Variants in XKR6 observed in about 807,000 individuals in gnomAD.
XKR6 encodes XK-related protein 6.
In XKR6, 22 loss-of-function variants were observed where a neutral mutation model predicts 56.7. The observed-to-expected ratio is 0.39, with a 90% CI of 0.28 to 0.55. The LOEUF (loss-of-function observed/expected upper bound fraction) is 0.55, where lower values mean the gene tolerates loss of function less well. Among genes scored for constraint, XKR6 ranks in the 20% least tolerant of loss-of-function variants. The pLI, the probability that XKR6 is intolerant of heterozygous loss-of-function variation, is 0.66. For synonymous variants in XKR6, 524 were observed against 387.8 expected (o/e 1.35, Z -4.13); for missense variants, 852 against 889.0 (o/e 0.96, Z 0.53).
At chr8:10,957,091 C>G (rs1029086845) in intron 1 of XKR6, among the ~76,000 whole-genome samples, 2 of 152,180 alleles carry the variant, frequency 1.3e-5, no homozygotes, top group African/African-American at 2.4e-5. Context: ...GCTGGGATTA[C>G]AGGCACGTGC....
chr8:11,000,984 C>G (rs1180070454), intron 1 of XKR6, among the ~76,000 whole-genome samples: 1 of 152,200 alleles, frequency 6.6e-6, no homozygotes, highest in Admixed American at 6.5e-5. Context: ...CCCCTGCCCC[C>G]TTCCTCTGAT....
intron 1 of XKR6, among the ~76,000 whole-genome samples, chr8:10,959,228 T>C (rs528823393): frequency 2.0e-5 from 3 of 152,160 alleles, no homozygotes; most frequent in Admixed American, 6.5e-5. Flanking sequence ...TGGTGAGGCC[T>C]GGCCTGGAGA....
intron 1 of XKR6, among the ~76,000 whole-genome samples, chr8:11,149,931 G>A (rs1431780355): frequency 2.6e-5 from 4 of 152,204 alleles, no homozygotes; most frequent in South Asian, 2.1e-4. Context: ...CGTTTGCAGC[G>A]TCATGGATGA....
intron 1 of XKR6, among the ~76,000 whole-genome samples, chr8:10,976,201 C>CA (rs1223994054): frequency 6.7e-6 from 1 of 150,150 alleles, no homozygotes; most frequent in Non-Finnish European, 1.5e-5. Flanking sequence ...TGCCCCCCCC[C>CA]AACCTCGCCA....
rs189520291 is a variant in XKR6 at position 11,061,837 on chromosome 8, C to T, written c.765-137007G>A. ...AGGAGGGCAGCCATCGGTGATGGGG[C>T]GAGGACATCACTGGAGGCTGTTAAA... On this transcript the variant is annotated intron_variant, in intron 1 of 2. Coordinates refer to ENST00000416569, the MANE Select transcript of XKR6 (RefSeq NM_173683.4). Among the ~76,000 whole-genome samples the T allele has an allele frequency of 2.6e-5, 4 of 152,214 alleles. No homozygotes were observed. In the South Asian group the frequency reaches 6.2e-4, roughly 24 times the overall value.
rs188440786 is a variant in XKR6 at position 11,150,164 on chromosome 8, T to C, written c.764+50412A>G. Among the ~76,000 whole-genome samples the C allele has an allele frequency of 2.0e-5, 3 of 152,310 alleles. No individual in the cohort carries two copies. In the East Asian group the frequency reaches 5.8e-4, roughly 29 times the overall value. On this transcript the variant is annotated intron_variant, in intron 1 of 2. Transcript: ENST00000416569. ...AGAAGGTGTAAGTTCCAATGTCTGA[T>C]AGCAGAGTGGAGGGACTATAGTTAA...
At chr8:11,018,489 A>G (rs1319261082) in intron 1 of XKR6, among the ~76,000 whole-genome samples, 1 of 152,174 alleles carries the variant, frequency 6.6e-6, no homozygotes, top group Admixed American at 6.5e-5. Flanking sequence ...ACTTCCCTCC[A>G]TAATATGGGG....
intron 1 of XKR6, among the ~76,000 whole-genome samples, chr8:10,945,881 C>T (rs1052731970): frequency 6.6e-6 from 1 of 152,132 alleles, no homozygotes; most frequent in Non-Finnish European, 1.5e-5. Context: ...CTCTGCTCCT[C>T]CCTTCCCTCT....
At chr8:11,091,336 G>A (rs1200440988) in intron 1 of XKR6, among the ~76,000 whole-genome samples, 1 of 152,088 alleles carries the variant, frequency 6.6e-6, no homozygotes, top group African/African-American at 2.4e-5. Flanking sequence ...TACTTGGAAG[G>A]CTGAGGTAGG....
rs190132914 is a variant in XKR6, at chr8:11,113,494, C to T, written c.764+87082G>A. Among the ~76,000 whole-genome samples, 896 of 152,294 alleles carry T rather than the reference C, an allele frequency of 5.9e-3. 7 individuals are homozygous for T. The highest frequency in any genetic ancestry group is 0.019 in the African/African-American group (771 of 41,552). ...AAAGCTAACTGATACAACTAACATT[C>T]TCCAAAGGCACATCATATTTTAAAA... is the stretch of plus-strand genomic sequence containing the variant. On this transcript the variant is annotated intron_variant, in intron 1 of 2. Transcript: ENST00000416569.
intron 1 of XKR6, among the ~76,000 whole-genome samples, chr8:10,929,761 C>A (rs899890004): frequency 6.6e-6 from 1 of 152,206 alleles, no homozygotes; most frequent in African/African-American, 2.4e-5. Flanking sequence ...TAAATAAGAC[C>A]ATGCCTGTGA....
At chr8:10,930,020 G>A (rs1801009754) in intron 1 of XKR6, among the ~76,000 whole-genome samples, 2 of 152,302 alleles carry the variant, frequency 1.3e-5, no homozygotes, top group South Asian at 2.1e-4. Flanking sequence ...CTCGTCTGAG[G>A]CTCAGAAAGA....
At chr8:11,137,963 C>T (rs1050629187) in intron 1 of XKR6, 24 of 338,586 alleles carry the variant, frequency 7.1e-5, no homozygotes, top group African/African-American at 5.0e-4. Flanking sequence ...CAGGCTCATT[C>T]TCTCTAATGC....
chr8:10,943,746 C>G (rs1801453888), intron 1 of XKR6, among the ~76,000 whole-genome samples: 1 of 152,108 alleles, frequency 6.6e-6, no homozygotes, highest in Non-Finnish European at 1.5e-5. Flanking sequence ...GGTTCATACC[C>G]AGGTGGTTGA....
chr8:11,085,747 C>T (rs1346497695), intron 1 of XKR6, among the ~76,000 whole-genome samples: 5 of 152,200 alleles, frequency 3.3e-5, no homozygotes, highest in East Asian at 1.9e-4. Context: ...AGACCGTCAG[C>T]ATGGCCCTGG....
chr8:10,901,512 C>T lies in XKR6; in HGVS notation c.962-2596G>A, dbSNP rs1400828668. Among the ~76,000 whole-genome samples the T allele has an allele frequency of 3.3e-5, 5 of 152,326 alleles. No individual in the cohort carries two copies. The East Asian group carries it at 7.7e-4, about 24-fold the overall frequency. The stretch of plus-strand genomic sequence containing the variant: ...ATAGTCTGGACCAGGCTATTCCCAG[C>T]ACTGAAGCACCCTCAAAAAATTCCA... On this transcript the variant is annotated intron_variant, in intron 2 of 2. Coordinates refer to ENST00000416569, the MANE Select transcript of XKR6 (RefSeq NM_173683.4).
At chr8:10,962,858 G>C (rs1296282483) in intron 1 of XKR6, among the ~76,000 whole-genome samples, 1 of 152,080 alleles carries the variant, frequency 6.6e-6, no homozygotes, top group African/African-American at 2.4e-5. Flanking sequence ...CCTGACCTCA[G>C]GTAATCCACC....
chr8:11,089,798 C>T (rs1044080843), intron 1 of XKR6, among the ~76,000 whole-genome samples: 11 of 152,172 alleles, frequency 7.2e-5, no homozygotes, highest in African/African-American at 1.9e-4. Flanking sequence ...CTGTCTTCTC[C>T]GTCATCTTCC....
intron 1 of XKR6, among the ~76,000 whole-genome samples, chr8:11,140,602 T>C (rs968597616): frequency 6.6e-6 from 1 of 152,140 alleles, no homozygotes; most frequent in African/African-American, 2.4e-5. Context: ...ATGTTGTTCT[T>C]AAGAACCCTT....
Sources: gnomAD v4.1 joint callset for allele counts (sites outside exome capture counted in the v4.1 genomes callset) on GRCh38, gnomAD v4.1.1 for gene constraint, MANE v1.5 for transcripts, NCBI Gene and HGNC (gene_info 2026-07-23, HGNC 2026-07-21) for gene names.